The following CERS3 variants were observed in gnomAD, a reference collection of about 807,000 sequenced individuals.
The protein encoded by CERS3 is ceramide synthase 3.
A neutral mutation model predicts 50.3 loss-of-function variants in CERS3; 33 were observed. The ratio of observed to expected loss-of-function variants is 0.66; its 90% CI spans 0.50 to 0.88. The LOEUF is 0.88. Among genes scored for constraint, CERS3 ranks in the 40% least tolerant of loss-of-function variants. The pLI, the probability that CERS3 is intolerant of heterozygous loss-of-function variation, is 0.00. For missense variants in CERS3, 470 were observed against 460.3 expected, an observed-to-expected ratio of 1.02 and a Z score of -0.19; for synonymous variants, 176 against 155.2, an observed-to-expected ratio of 1.13 and a Z score of -0.99.
At chr15:100,457,351 T>C (rs2034408603) in intron 10 of CERS3, among the ~76,000 whole-genome samples, 1 of 152,204 alleles carries the variant, frequency 6.6e-6, no homozygotes, top group African/African-American at 2.4e-5. Flanking sequence ...CACACCCTCC[T>C]CCACACATAA....
chr15:100,428,519 T>C (rs1179086748), intron 11 of CERS3, among the ~76,000 whole-genome samples: 2 of 152,248 alleles, frequency 1.3e-5, no homozygotes, highest in Non-Finnish European at 2.9e-5. Context: ...GTGGGACGTC[T>C]AGCAGTAAGC....
chr15:100,422,790 A>G (rs2032535509), intron 11 of CERS3, among the ~76,000 whole-genome samples: 1 of 141,678 alleles, frequency 7.1e-6, no homozygotes, highest in Non-Finnish European at 1.5e-5. Context: ...TTGCAGGGAC[A>G]TGGATGAAAT....
intron 1 of CERS3, among the ~76,000 whole-genome samples, chr15:100,534,151 C>G (rs574299657): frequency 1.3e-5 from 2 of 152,170 alleles, no homozygotes; most frequent in Non-Finnish European, 2.9e-5. Flanking sequence ...GTGAATACAG[C>G]CCCTGGTTAC....
At chr15:100,513,070 T>C (rs1350899627) in intron 2 of CERS3, among the ~76,000 whole-genome samples, 1 of 152,242 alleles carries the variant, frequency 6.6e-6, no homozygotes, top group East Asian at 1.9e-4. Flanking sequence ...ATTTGGCATC[T>C]GAAAGGGTCA....
intron 2 of CERS3, among the ~76,000 whole-genome samples, chr15:100,510,175 C>CA (rs1596788079): frequency 1.3e-5 from 2 of 152,106 alleles, no homozygotes; most frequent in East Asian, 3.9e-4. Context: ...ATGAAGAAGA[C>CA]AATGCAAATG....
intron 1 of CERS3, among the ~76,000 whole-genome samples, chr15:100,541,783 G>A (rs1332588378): frequency 2.6e-5 from 4 of 152,108 alleles, no homozygotes; most frequent in Non-Finnish European, 4.4e-5. Flanking sequence ...GTAGTAACAT[G>A]TCACAATATT....
At chr15:100,467,888 TAG>T (rs56309744) in intron 10 of CERS3, among the ~76,000 whole-genome samples, 1 of 59,392 alleles carries the variant, frequency 1.7e-5, no homozygotes, top group Admixed American at 1.5e-4. Context: ...GATATAGATA[TAG>T]ATATAGATAT....
intron 11 of CERS3, among the ~76,000 whole-genome samples, chr15:100,417,327 A>G (rs1390452585): frequency 1.3e-5 from 2 of 152,038 alleles, no homozygotes; most frequent in Non-Finnish European, 2.9e-5. Flanking sequence ...TGACGGACGC[A>G]CCTGGAAAAT....
intron 3 of CERS3, 66 bp from the exon 4 acceptor site, chr15:100,490,997 T>G: frequency 1.1e-6 from 1 of 952,136 alleles, no homozygotes; most frequent in Non-Finnish European, 1.6e-6. Flanking sequence ...CACCAGAAAA[T>G]TAAAGCTGTA....
At chr15:100,499,133 G>C (rs1360028561) in intron 3 of CERS3, among the ~76,000 whole-genome samples, 3 of 152,130 alleles carry the variant, frequency 2.0e-5, no homozygotes, top group African/African-American at 4.8e-5. Flanking sequence ...GTATAATTAA[G>C]TAACAACAAT....
chr15:100,435,993 T>C (rs2033385785), intron 11 of CERS3, among the ~76,000 whole-genome samples: 2 of 152,200 alleles, frequency 1.3e-5, no homozygotes, highest in African/African-American at 4.8e-5. Flanking sequence ...GGTGAGGCTG[T>C]GGAGAAATAA....
intron 10 of CERS3, among the ~76,000 whole-genome samples, chr15:100,467,822 T>G (rs1567639876): frequency 1.2e-5 from 1 of 80,244 alleles, no homozygotes. Context: ...TATATATATG[T>G]GTATATATAT....
At chr15:100,488,721 A>G (rs2035557010) in intron 4 of CERS3, among the ~76,000 whole-genome samples, 1 of 151,472 alleles carries the variant, frequency 6.6e-6, no homozygotes, top group Non-Finnish European at 1.5e-5. Flanking sequence ...TAGGAATCTT[A>G]TATTCCTTCA....
At chr15:100,496,700 T>C (rs1057305378) in intron 3 of CERS3, among the ~76,000 whole-genome samples, 3 of 152,168 alleles carry the variant, frequency 2.0e-5, no homozygotes, top group African/African-American at 7.2e-5. Flanking sequence ...TTTAAAATAA[T>C]GAGATTTCCT....
intron 9 of CERS3, among the ~76,000 whole-genome samples, chr15:100,472,491 G>A (rs2035000563): frequency 6.6e-6 from 1 of 152,130 alleles, no homozygotes; most frequent in Non-Finnish European, 1.5e-5. Context: ...CAAGGGATTG[G>A]GCTCGGGGAG....
rs921584492 is a variant in CERS3, at chr15:100,490,907, T to C, written c.198A>G (p.Lys66=). ...FEKFVASPLA[K]SFGIKETVRK... is the part of the protein sequence containing the mutation. ...GAACTGTCTCTTTAATGCCAAATGA[T>C]TTTGCTAGAGGTGAAGCAACAAATC... Residue 66 remains lysine, a synonymous_variant, in exon 4 of 12, where the codon AAA becomes AAG. Transcript: ENST00000679737. The C allele has an allele frequency of 2.1e-5, 33 of 1,602,726 alleles. No individual in the cohort carries two copies. Among genetic ancestry groups the C allele is most frequent in the Non-Finnish European group, 2.6e-5 (30 of 1,175,994 alleles).
chr15:100,410,018 A>G (rs2031354585), intron 11 of CERS3, among the ~76,000 whole-genome samples: 1 of 152,182 alleles, frequency 6.6e-6, no homozygotes, highest in Non-Finnish European at 1.5e-5. Context: ...AGTAGCCGCC[A>G]TTACAGAGCA....
chr15:100,416,596 C>A (rs958623689), intron 11 of CERS3, among the ~76,000 whole-genome samples: 4 of 152,148 alleles, frequency 2.6e-5, no homozygotes, highest in South Asian at 4.1e-4. Context: ...TAAGGAGAAG[C>A]AAGGACCTTC....
rs1403847244 is a variant in CERS3 at position 100,447,359 on chromosome 15, C to T, written c.999+8534G>A. 6.6e-5 allele frequency among the ~76,000 whole-genome samples: 10 copies of T among 152,266 alleles called. No homozygotes were observed. In the East Asian group the frequency reaches 1.9e-3, roughly 29 times the overall value. ...TGAATCTGCCTATGACCTGAAAGCC[C>T]CCTACTTCCAGTTGTCTTGCCTTTC... is the stretch of plus-strand genomic sequence containing the variant. On this transcript the variant is annotated intron_variant, in intron 11 of 11. Transcript: ENST00000679737.
Sources: allele counts gnomAD v4.1 joint callset (sites outside exome capture counted in the v4.1 genomes callset), GRCh38; gene constraint gnomAD v4.1.1; transcripts MANE v1.5; gene names NCBI Gene and HGNC (gene_info 2026-07-23, HGNC 2026-07-21).